The following SUFU variants were observed in gnomAD, a reference collection of about 807,000 sequenced individuals.
SUFU encodes suppressor of fused homolog.
SUFU carries 7 observed loss-of-function variants against 58.9 expected under a neutral mutation model. That is an observed-to-expected ratio of 0.12 (90% CI 0.07 to 0.22). The LOEUF (loss-of-function observed/expected upper bound fraction) is 0.22. SUFU is among the 10% of genes least tolerant of loss of function. The pLI is 1.00. For synonymous variants in SUFU, 232 were observed against 254.8 expected (o/e 0.91, Z 0.85); for missense variants, 451 against 641.3 (o/e 0.70, Z 3.20).
chr10:102,617,308 A>G lies in SUFU; in HGVS notation c.1176A>G (p.Gly392=), dbSNP rs771819487. 2 of 1,614,038 alleles carry G rather than the reference A, an allele frequency of 1.2e-6. No individual in the cohort carries two copies. Among genetic ancestry groups the G allele is most frequent in the African/African-American group, 1.3e-5 (1 of 74,898 alleles). ...TCTCCAGGGGCAGGCTCCTGCATGG[A>G]CGGCACTTTACATATAAAAGTATCA... ...PLCLRGRLLH[G]RHFTYKSITG... The change falls in exon 10 of 12, where the codon GGA becomes GGG. Residue 392 remains glycine (G), a synonymous_variant. Coordinates refer to ENST00000369902, the MANE Select transcript of SUFU (RefSeq NM_016169.4). The surrounding 1 kb of genome is among the most constrained non-coding windows in gnomAD (Gnocchi z 4.4).
intron 2 of SUFU, among the ~76,000 whole-genome samples, chr10:102,514,634 G>A (rs2135640065): frequency 6.6e-6 from 1 of 152,330 alleles, no homozygotes; most frequent in South Asian, 2.1e-4. Context: ...GGACTTGGGA[G>A]GTGTCAGACA....
At chr10:102,615,649 A>G (rs1210411816) in intron 9 of SUFU, among the ~76,000 whole-genome samples, 1 of 152,176 alleles carries the variant, frequency 6.6e-6, no homozygotes. Context: ...GGGCCTGTTT[A>G]GGAGCCTGGG....
rs1482809177 is a variant in SUFU at position 102,568,937 on chromosome 10, T to TACATATATATAC, written c.454+18832_454+18833insCATATATATACA. Among the ~76,000 whole-genome samples the TACATATATATAC allele has an allele frequency of 1.2e-4, 4 of 33,302 alleles. 1 individual carries two copies. Among genetic ancestry groups the TACATATATATAC allele is most frequent in the African/African-American group, 3.9e-4 (4 of 10,330 alleles). 21.8% of individuals were successfully genotyped at this position (33,302 alleles called of 152,430 possible). A position where few individuals can be genotyped will look rare whatever the true frequency, so the allele number is the denominator to read the frequency against. ...ATATATATACACATATATATATATA[T>TACATATATATAC]ATATATATATATATATATATATATA... is the stretch of plus-strand genomic sequence containing the variant. On this transcript the variant is annotated intron_variant, in intron 3 of 11. Coordinates refer to ENST00000369902, the MANE Select transcript of SUFU (RefSeq NM_016169.4).
intron 7 of SUFU, among the ~76,000 whole-genome samples, chr10:102,598,223 G>A (rs2063483742): frequency 6.6e-6 from 1 of 151,918 alleles, no homozygotes; most frequent in Non-Finnish European, 1.5e-5. Context: ...GTTGATCTTG[G>A]CTCACTGCAA....
At chr10:102,550,233 C>A in intron 3 of SUFU, 127 bp downstream of exon 3, 1 of 1,431,924 alleles carries the variant, frequency 7.0e-7, no homozygotes. Flanking sequence ...CCCAATTCTA[C>A]CATGAGGATG....
chr10:102,532,603 T>C (rs1000777226), intron 2 of SUFU, among the ~76,000 whole-genome samples: 2 of 152,096 alleles, frequency 1.3e-5, no homozygotes, highest in Non-Finnish European at 2.9e-5. Flanking sequence ...CAGGGATCTG[T>C]CTTGCACAGT....
intron 3 of SUFU, among the ~76,000 whole-genome samples, chr10:102,578,706 C>CAAA (rs113374192): frequency 2.3e-5 from 3 of 129,618 alleles, no homozygotes; most frequent in Non-Finnish European, 3.3e-5. Context: ...GACTCCGTTT[C>CAAA]AAAAAAAAAA....
At chr10:102,517,167 A>G (rs904151539) in intron 2 of SUFU, among the ~76,000 whole-genome samples, 1 of 151,980 alleles carries the variant, frequency 6.6e-6, no homozygotes, top group Non-Finnish European at 1.5e-5. Flanking sequence ...ACACACCTGT[A>G]AACCAAGCTA....
chr10:102,610,341 C>T (rs1278491684), intron 8 of SUFU, among the ~76,000 whole-genome samples: 3 of 137,278 alleles, frequency 2.2e-5, no homozygotes, highest in Non-Finnish European at 4.5e-5. Flanking sequence ...TGCAGTGAGC[C>T]GAGATCACAC....
rs926026229 is a variant in SUFU at position 102,597,078 on chromosome 10, G to A, written c.757-62G>A. 3.1e-6 allele frequency: 5 copies of A among 1,589,194 alleles called. No individual in the cohort carries two copies. In the South Asian group the frequency reaches 3.3e-5, roughly 11 times the overall value. On this transcript the variant is annotated intron_variant, in intron 6 of 11. Coordinates refer to ENST00000369902, the MANE Select transcript of SUFU (RefSeq NM_016169.4). ...TACTGTAAGAGCAGTGGCTGAAAGG[G>A]TGGTCACCTTGGGTCACCAGTTCTC... is the stretch of plus-strand genomic sequence containing the variant.
intron 3 of SUFU, among the ~76,000 whole-genome samples, chr10:102,588,087 GC>G (rs2063353171): frequency 6.6e-6 from 1 of 151,944 alleles, no homozygotes; most frequent in Non-Finnish European, 1.5e-5. Flanking sequence ...AATTGTTTTG[GC>G]CCCCTTGTTG....
intron 3 of SUFU, among the ~76,000 whole-genome samples, chr10:102,576,222 G>A (rs924085395): frequency 2.0e-5 from 3 of 152,002 alleles, no homozygotes; most frequent in African/African-American, 4.8e-5. Context: ...CAGGGCCCTC[G>A]CTAAAGAAAC....
chr10:102,579,370 C>G (rs2063249382), intron 3 of SUFU, among the ~76,000 whole-genome samples: 2 of 152,248 alleles, frequency 1.3e-5, no homozygotes, highest in Non-Finnish European at 2.9e-5. Context: ...GCCCCCTACA[C>G]TCGCTTTGGG....
intron 10 of SUFU, among the ~76,000 whole-genome samples, chr10:102,620,142 T>C (rs1263810489): frequency 6.6e-6 from 1 of 152,166 alleles, no homozygotes; most frequent in East Asian, 1.9e-4. Context: ...AACTCTCCCA[T>C]TGGTCCCAGC....
chr10:102,551,961 G>A (rs113365045), intron 3 of SUFU, among the ~76,000 whole-genome samples: 8 of 151,706 alleles, frequency 5.3e-5, no homozygotes, highest in African/African-American at 1.7e-4. Context: ...TCCTGACCTC[G>A]TGATCCACCC....
rs1564654365 is a variant in SUFU, at chr10:102,504,188, C to A, written c.36C>A (p.Pro12=). The A allele has an allele frequency of 1.3e-6, 2 of 1,547,500 alleles. No homozygotes were observed. Among genetic ancestry groups the A allele is most frequent in the Admixed American group, 3.9e-5 (2 of 50,964 alleles). Residue 12 remains proline (P), a synonymous_variant, in exon 1 of 12, where the codon CCC becomes CCA. Transcript: ENST00000369902. Reference sequence around the variant, plus strand: ...TGCGGCCTAGCGGCGCCCCCGGCCCCACCGCGCCCCCGGCCCCTGGCCCGA... The same window carrying A: ...TGCGGCCTAGCGGCGCCCCCGGCCCAACCGCGCCCCCGGCCCCTGGCCCGA... ...AELRPSGAPG[P]TAPPAPGPTA...
At chr10:102,574,003 T>A (rs1326430621) in intron 3 of SUFU, among the ~76,000 whole-genome samples, 3 of 152,062 alleles carry the variant, frequency 2.0e-5, no homozygotes, top group Non-Finnish European at 4.4e-5. Flanking sequence ...CAACTAAAAC[T>A]GAAAAAAAAA....
intron 10 of SUFU, among the ~76,000 whole-genome samples, chr10:102,620,437 G>A (rs1040669043): frequency 6.6e-6 from 1 of 152,196 alleles, no homozygotes; most frequent in Non-Finnish European, 1.5e-5. Flanking sequence ...ACCCAGGAGA[G>A]TCAGGGCCCC....
rs746145890 is a variant in SUFU, at chr10:102,617,596, T to C, written c.1296+168T>C. The stretch of plus-strand genomic sequence containing the variant: ...GTGTGTAGGTATGGAGTGTGGATGC[T>C]GCTACCCACTCCAGCAGCTTAGGAG... On this transcript the variant is annotated intron_variant, in intron 10 of 11. Coordinates refer to ENST00000369902, the MANE Select transcript of SUFU (RefSeq NM_016169.4). This position sits in a 1 kb window ranked among gnomAD's most constrained non-coding sequence, Gnocchi z 4.4. 2.8e-5 allele frequency: 24 copies of C among 847,364 alleles called. No homozygotes were observed. The highest frequency in any genetic ancestry group is 3.8e-5 in the Non-Finnish European group (20 of 532,002). 52.5% of individuals were successfully genotyped at this position (847,364 alleles called of 1,614,324 possible).
Sources: gnomAD v4.1 joint callset for allele counts (sites outside exome capture counted in the v4.1 genomes callset) on GRCh38, gnomAD v4.1.1 for gene constraint, Gnocchi (gnomAD v3.1) non-coding constraint, MANE v1.5 for transcripts, NCBI Gene and HGNC (gene_info 2026-07-23, HGNC 2026-07-21) for gene names.